The following PABPC4 variants were observed in gnomAD, a reference collection of about 807,000 sequenced individuals.
The protein encoded by PABPC4 is polyadenylate-binding protein 4.
Under a neutral mutation model 74.5 loss-of-function variants are expected in PABPC4, and 15 were observed. That is an observed-to-expected ratio of 0.20 (90% CI 0.13 to 0.31). PABPC4 has a LOEUF of 0.31. Ranked by LOEUF, PABPC4 falls within the 10% of genes least tolerant of loss-of-function variation. PABPC4 has a pLI of 1.00. For synonymous variants in PABPC4, 345 were observed against 303.0 expected (o/e 1.14, Z -1.44); for missense variants, 610 against 853.5 (o/e 0.71, Z 3.55).
chr1:39,564,652 C>A, intron 9 of PABPC4, 34 bp downstream of exon 9: 7 of 1,611,418 alleles, frequency 4.3e-6, no homozygotes, highest in Non-Finnish European at 5.1e-6. Context: ...ACAGGTATAT[C>A]CTGGGCTGTC....
At chr1:39,575,606 C>T (rs1222386170) in intron 1 of PABPC4, among the ~76,000 whole-genome samples, 153 bp downstream of exon 1, 2 of 152,192 alleles carry the variant, frequency 1.3e-5, no homozygotes, top group East Asian at 3.9e-4. Context: ...CATCTGATGC[C>T]AGGTCCGCGT....
chr1:39,575,451 G>A (rs1646010309), intron 1 of PABPC4, among the ~76,000 whole-genome samples: 1 of 152,280 alleles, frequency 6.6e-6, no homozygotes, highest in East Asian at 1.9e-4. Flanking sequence ...CCACTGACAA[G>A]GACCACACGC....
At chr1:39,567,045 A>AAGACCGGC (rs1299119665) in intron 7 of PABPC4, among the ~76,000 whole-genome samples, 1 of 152,148 alleles carries the variant, frequency 6.6e-6, no homozygotes, top group Non-Finnish European at 1.5e-5. Context: ...CCTGTTTAGC[A>AAGACCGGC]AGACCGGCGT....
intron 12 of PABPC4, 124 bp downstream of exon 12, chr1:39,563,490 G>C: frequency 8.0e-7 from 1 of 1,257,314 alleles, no homozygotes; most frequent in Non-Finnish European, 1.1e-6. Context: ...CAGTGAATCA[G>C]AACATAGCGT....
rs200226963 is a variant in PABPC4, at chr1:39,566,823, AG to A, written c.972+927del. ...TCCTTACACTGATGAGGGCCAGTCA[AG>A]GGGGGGGTCATAGCAAAAACGAAAG... is the stretch of plus-strand genomic sequence containing the variant. On this transcript the variant is annotated intron_variant, in intron 7 of 15. Coordinates refer to ENST00000372858, the MANE Select transcript of PABPC4 (RefSeq NM_001135653.2). Among the ~76,000 whole-genome samples, 688 of 151,710 alleles carry A rather than the reference AG, an allele frequency of 4.5e-3. 6 individuals are homozygous for A. Among genetic ancestry groups the A allele is most frequent in the African/African-American group, 0.016 (649 of 41,336 alleles).
At position 39,575,829 on chromosome 1, in the gene PABPC4, C is replaced by A. The variant is rs117264627; in HGVS notation, c.123G>T (p.Arg41=). The A allele has an allele frequency of 6.2e-7, 1 of 1,611,598 alleles. No individual in the cohort carries two copies. The highest frequency in any genetic ancestry group is 8.5e-7 in the Non-Finnish European group (1 of 1,179,318). The part of the protein sequence containing the change: ...FSPAGPVLSI[R]VCRDMITRRS... ...GGCGGGTGATCATATCGCGGCAGACCCGGATGGACAGCACAGGCCCCGCGG... is the reference window on the plus strand; with the variant it reads ...GGCGGGTGATCATATCGCGGCAGACACGGATGGACAGCACAGGCCCCGCGG... The change falls in exon 1 of 16, where the codon CGG becomes CGT. Residue 41 remains arginine, a synonymous_variant. Coordinates refer to ENST00000372858, the MANE Select transcript of PABPC4 (RefSeq NM_001135653.2).
rs1284416244 is a variant in PABPC4, at chr1:39,564,790, T to C, written c.1246-17A>G. On this transcript the variant is annotated splice_polypyrimidine_tract_variant and intron_variant, in intron 8 of 15. Transcript: ENST00000372858. ...TCCCTGAGCCTGTAAGACAGAAGAA[T>C]ACCCAAACACCCCCTTAAGGACTGA... 7 of 1,589,992 alleles carry C rather than the reference T, an allele frequency of 4.4e-6. No homozygotes were observed. Among genetic ancestry groups the C allele is most frequent in the Middle Eastern group, 3.3e-4 (2 of 6,008 alleles).
chr1:39,563,731 T>C lies in PABPC4; in HGVS notation c.1551A>G (p.Thr517=). 1 of 1,614,192 alleles carries C rather than the reference T, an allele frequency of 6.2e-7. No homozygotes were observed. The highest frequency in any genetic ancestry group is 8.5e-7 in the Non-Finnish European group (1 of 1,180,016). ...CGCGTGGCGCTAAGTTCTGCACAGC[T>C]GTGGGAACGCCTTAGGGAAAGAACA... ...TDSCQSGGVP[T]AVQNLAPRAA... The change falls in exon 12 of 16, where the codon ACA becomes ACG. Residue 517 remains threonine, a synonymous_variant. Coordinates refer to ENST00000372858, the MANE Select transcript of PABPC4 (RefSeq NM_001135653.2).
intron 7 of PABPC4, among the ~76,000 whole-genome samples, chr1:39,567,051 G>C (rs752962118): frequency 3.3e-5 from 5 of 152,078 alleles, no homozygotes; most frequent in Admixed American, 2.0e-4. Flanking sequence ...TAGCAAGACC[G>C]GCGTCTGCAT....
At position 39,561,113 on chromosome 1, in the gene PABPC4, C is replaced by A. The variant is rs1228589539; in HGVS notation, c.*23G>T. 2.1e-6 allele frequency: 1 copy of A among 470,576 alleles called. No individual in the cohort carries two copies. 29.2% of individuals were successfully genotyped at this position (470,576 alleles called of 1,614,324 possible). On this transcript the variant is annotated 3_prime_UTR_variant, in exon 16 of 16. Transcript: ENST00000372858. ...TTGAATTCCATAAGGGGTTATTTGG[C>A]TTTTGAATCCTGTAAAGAAAAGCAC...
At position 39,563,627 on chromosome 1, in the gene PABPC4, A is replaced by G. The variant is rs745821062; in HGVS notation, c.1655T>C (p.Ile552Thr). 6.2e-7 allele frequency: 1 copy of G among 1,614,056 alleles called. No homozygotes were observed. The highest frequency in any genetic ancestry group is 2.2e-5 in the East Asian group (1 of 44,888). Residue 552 changes from isoleucine (I) to threonine (T), a missense_variant, in exon 12 of 16, where the codon ATA (isoleucine) becomes ACA (threonine). By Grantham distance (89) the Ile-to-Thr change is moderately conservative. This residue lies in a region of PABPC4 where 277 missense variants were observed against 301.8 expected (regional missense o/e 0.92). Transcript: ENST00000372858. ...GGTGAACCTCACCTGCAGAGGCTGT[A>G]TGGCAGGATGAGGGCTGCGGACACT... ...ASSVRSPHPA[I>T]QPLQAPQPAV...
intron 7 of PABPC4, among the ~76,000 whole-genome samples, chr1:39,566,399 G>A (rs568570180): frequency 1.3e-5 from 2 of 152,250 alleles, no homozygotes; most frequent in East Asian, 3.9e-4. Flanking sequence ...CTAGATTCTA[G>A]TCTCACTTGC....
intron 12 of PABPC4, 162 bp from the exon 13 acceptor site, chr1:39,562,578 GGT>G: frequency 3.4e-6 from 2 of 587,748 alleles, no homozygotes; most frequent in East Asian, 2.8e-5. Flanking sequence ...AGGATTGAGG[GGT>G]GTGTTGAGGA....
chr1:39,575,699 G>A (rs1646014929), intron 1 of PABPC4, 60 bp downstream of exon 1: 3 of 1,389,494 alleles, frequency 2.2e-6, no homozygotes, highest in Middle Eastern at 2.0e-4. Context: ...GGCCCTGCCA[G>A]AAGACGACTC....
intron 1 of PABPC4, among the ~76,000 whole-genome samples, chr1:39,575,088 C>G (rs1646004463): frequency 6.6e-6 from 1 of 152,218 alleles, no homozygotes; most frequent in Admixed American, 6.5e-5. Flanking sequence ...CTTCCCTAAA[C>G]TACCTCCACG....
intron 8 of PABPC4, among the ~76,000 whole-genome samples, 163 bp from the exon 9 acceptor site, chr1:39,564,936 T>G (rs1477604544): frequency 2.6e-5 from 4 of 152,234 alleles, no homozygotes; most frequent in Non-Finnish European, 4.4e-5. Flanking sequence ...ATGCTACCAC[T>G]GCCACTGTGG....
intron 7 of PABPC4, chr1:39,567,526 G>C: frequency 1.5e-6 from 1 of 647,578 alleles, no homozygotes; most frequent in Non-Finnish European, 2.9e-6. Flanking sequence ...TGGCAAGGAG[G>C]GGCTGGGTCA....
intron 7 of PABPC4, 51 bp from the exon 8 acceptor site, chr1:39,565,429 T>C (rs1427973103): frequency 6.4e-7 from 1 of 1,554,556 alleles, no homozygotes; most frequent in African/African-American, 1.4e-5. Flanking sequence ...TGGCTGGGTG[T>C]GATGGCTTGT....
chr1:39,564,967 G>T (rs967617492), intron 8 of PABPC4, 139 bp downstream of exon 8: 2 of 1,000,264 alleles, frequency 2.0e-6, no homozygotes, highest in African/African-American at 1.6e-5. Flanking sequence ...GTGACCATGG[G>T]TAAGTCCTTC....
Sources: allele counts gnomAD v4.1 joint callset (sites outside exome capture counted in the v4.1 genomes callset), GRCh38; gene constraint gnomAD v4.1.1; regional missense constraint gnomAD v4.1.1; transcripts MANE v1.5; gene names NCBI Gene and HGNC (gene_info 2026-07-23, HGNC 2026-07-21).